Variants in DIAPH2 observed in about 807,000 individuals in gnomAD.
DIAPH2 encodes diaphanous related formin 2.
Under a neutral mutation model 92.7 loss-of-function variants are expected in DIAPH2, and 35 were observed. That is an observed-to-expected ratio of 0.38 (90% CI 0.29 to 0.50). The LOEUF is 0.50. Among genes scored for constraint, DIAPH2 ranks in the 20% least tolerant of loss-of-function variants. The pLI, the probability that DIAPH2 is intolerant of heterozygous loss-of-function variation, is 0.94. For synonymous variants in DIAPH2, 301 were observed against 280.4 expected (o/e 1.07, Z -0.73); for missense variants, 701 against 819.5 (o/e 0.86, Z 1.77).
chrX:96,771,510 A>G (rs1372756087), intron 4 of DIAPH2, among the ~76,000 whole-genome samples: 4 of 111,673 alleles, frequency 3.6e-5, no homozygotes, highest in Admixed American at 1.9e-4. Flanking sequence ...TTGATCATCT[A>G]TGTAGAATGA....
intron 22 of DIAPH2, among the ~76,000 whole-genome samples, chrX:97,173,632 C>G (rs910441478): frequency 3.6e-5 from 4 of 110,634 alleles, no homozygotes; most frequent in Non-Finnish European, 5.7e-5. Flanking sequence ...AGGGCTGGAC[C>G]TGGTGGCTCA....
chrX:97,571,889 C>G (rs2071372488), intron 26 of DIAPH2, among the ~76,000 whole-genome samples: 1 of 111,751 alleles, frequency 8.9e-6, no homozygotes, highest in African/African-American at 3.3e-5. Flanking sequence ...TCATCTAAAA[C>G]TGTTAGATTG....
intron 4 of DIAPH2, among the ~76,000 whole-genome samples, chrX:96,871,339 G>A (rs1453112726): frequency 9.2e-6 from 1 of 108,939 alleles, no homozygotes; most frequent in Admixed American, 9.9e-5. Flanking sequence ...GCGTGGTGGC[G>A]GGTGCCTGTA....
At chrX:96,732,025 C>A (rs1196787431) in intron 1 of DIAPH2, among the ~76,000 whole-genome samples, 1 of 110,710 alleles carries the variant, frequency 9.0e-6, no homozygotes, top group Non-Finnish European at 1.9e-5. Context: ...ATTTTTGTTT[C>A]TGACTTTTTT....
intron 17 of DIAPH2, among the ~76,000 whole-genome samples, chrX:96,978,131 G>A (rs1310962004): frequency 1.8e-5 from 2 of 111,826 alleles, no homozygotes; most frequent in Non-Finnish European, 3.8e-5. Context: ...AGTATATCTT[G>A]CATGATATAA....
chrX:97,577,445 G>A (rs2071406190), intron 26 of DIAPH2, among the ~76,000 whole-genome samples: 1 of 112,181 alleles, frequency 8.9e-6, no homozygotes, highest in South Asian at 3.7e-4. Context: ...ATAGTGAGCA[G>A]TACGAAATTG....
At chrX:97,204,092 T>A (rs1343811145) in intron 22 of DIAPH2, among the ~76,000 whole-genome samples, 1 of 112,199 alleles carries the variant, frequency 8.9e-6, no homozygotes, top group Non-Finnish European at 1.9e-5. Flanking sequence ...TCTCAATAGA[T>A]GCAGAAAAGG....
At chrX:96,923,091 G>C (rs1348776837) in intron 9 of DIAPH2, among the ~76,000 whole-genome samples, 1 of 111,371 alleles carries the variant, frequency 9.0e-6, no homozygotes, top group Non-Finnish European at 1.9e-5. Context: ...AAGGTATACT[G>C]AGCATGAATA....
intron 19 of DIAPH2, among the ~76,000 whole-genome samples, chrX:97,098,721 G>A (rs772711369): frequency 1.8e-5 from 2 of 112,531 alleles, no homozygotes; most frequent in South Asian, 3.7e-4. Flanking sequence ...CACTGCACCC[G>A]GCCACTGGCC....
chrX:96,742,115 T>G (rs1213479253), intron 3 of DIAPH2, among the ~76,000 whole-genome samples: 1 of 111,761 alleles, frequency 8.9e-6, no homozygotes, highest in Non-Finnish European at 1.9e-5. Context: ...CCTACAAAAG[T>G]CTTCCCTTTC....
intron 4 of DIAPH2, among the ~76,000 whole-genome samples, chrX:96,793,398 A>G (rs770841107): frequency 4.6e-4 from 52 of 112,597 alleles, no homozygotes; most frequent in Non-Finnish European, 4.7e-4. Context: ...CCAGCTCCTG[A>G]TCACAGGTGA....
chrX:96,870,944 G>T (rs1164806339), intron 4 of DIAPH2, among the ~76,000 whole-genome samples: 1 of 111,591 alleles, frequency 9.0e-6, no homozygotes, highest in Non-Finnish European at 1.9e-5. Flanking sequence ...CTTGGAATCG[G>T]ATTTACAAAA....
chrX:97,281,514 G>A (rs1217727229), intron 23 of DIAPH2, among the ~76,000 whole-genome samples: 1 of 111,220 alleles, frequency 9.0e-6, no homozygotes, highest in Non-Finnish European at 1.9e-5. Context: ...GGAGGCCGAG[G>A]TGGGTGGATC....
intron 16 of DIAPH2, among the ~76,000 whole-genome samples, chrX:96,958,524 G>C (rs1487182791): frequency 1.8e-5 from 2 of 111,889 alleles, no homozygotes; most frequent in Non-Finnish European, 3.8e-5. Context: ...TAATGATCAA[G>C]TCAGGGTATT....
At chrX:97,065,404 G>T (rs1026511920) in intron 17 of DIAPH2, among the ~76,000 whole-genome samples, 30 of 111,278 alleles carry the variant, frequency 2.7e-4, no homozygotes, top group Non-Finnish European at 5.3e-4. Context: ...ACAATGGACC[G>T]CTTATATGAT....
At position 97,139,350 on chromosome X, in the gene DIAPH2, G is replaced by T. The variant is rs771192962; in HGVS notation, c.2590-2315G>T. ...ATATATATATATATTTTAAATAATT[G>T]GTCTAAGGCCTCTCACACATAGAGA... On this transcript the variant is annotated intron_variant, in intron 21 of 26. Transcript: ENST00000324765. 2.2e-3 allele frequency among the ~76,000 whole-genome samples: 236 copies of T among 106,016 alleles called. 2 individuals carry two copies. The highest frequency in any genetic ancestry group is 7.5e-3 in the African/African-American group (221 of 29,430). The allele number at this position is 106,016 out of a possible 115,157, so 92.1% of individuals were successfully genotyped here.
In DIAPH2 at chrX:97,549,852, T is replaced by C. The variant is rs754325560; in HGVS notation, c.3242-49401T>C. 2.7e-5 allele frequency among the ~76,000 whole-genome samples: 3 copies of C among 112,186 alleles called. No homozygotes were observed. In the South Asian group the frequency reaches 1.1e-3, roughly 42 times the overall value. On this transcript the variant is annotated intron_variant, in intron 26 of 26. Transcript: ENST00000324765. Reference sequence around the variant, plus strand: ...TCTACAAGATAATTTACCTGTACTCTTTAAAAATATTATAGTTTTTAGAGC... The same window carrying C: ...TCTACAAGATAATTTACCTGTACTCCTTAAAAATATTATAGTTTTTAGAGC...
intron 4 of DIAPH2, among the ~76,000 whole-genome samples, chrX:96,839,419 C>T (rs748375004): frequency 5.4e-5 from 6 of 111,066 alleles, no homozygotes; most frequent in Non-Finnish European, 1.1e-4. Flanking sequence ...TGCCAGTATT[C>T]TGGAAATAAA....
At chrX:97,589,377 T>C (rs1238460066) in intron 26 of DIAPH2, among the ~76,000 whole-genome samples, 2 of 106,442 alleles carry the variant, frequency 1.9e-5, no homozygotes, top group Non-Finnish European at 3.9e-5. Context: ...CTATTTTTTA[T>C]TGGTGTATAT....
Sources: gnomAD v4.1 joint callset for allele counts (sites outside exome capture counted in the v4.1 genomes callset) on GRCh38, gnomAD v4.1.1 for gene constraint, MANE v1.5 for transcripts, NCBI Gene and HGNC (gene_info 2026-07-23, HGNC 2026-07-21) for gene names.